Variants in CADM2 observed in about 807,000 individuals in gnomAD.
The protein encoded by CADM2 is cell adhesion molecule 2.
Under a neutral mutation model 49.8 loss-of-function variants are expected in CADM2, and 12 were observed. The observed-to-expected ratio is 0.24, with a 90% CI of 0.15 to 0.39. The LOEUF (loss-of-function observed/expected upper bound fraction) is 0.39. CADM2 is among the 10% of genes least tolerant of loss of function. CADM2 has a pLI of 1.00. For synonymous variants in CADM2, 214 were observed against 175.4 expected (o/e 1.22, Z -1.74); for missense variants, 378 against 492.3 (o/e 0.77, Z 2.20).
chr3:85,213,231 C>T (rs1241229791), intron 1 of CADM2, among the ~76,000 whole-genome samples: 1 of 152,008 alleles, frequency 6.6e-6, no homozygotes, highest in Non-Finnish European at 1.5e-5. Context: ...TTCCTTTTAG[C>T]ATTTCTTGTA....
At chr3:85,391,858 A>G (rs938355691) in intron 1 of CADM2, among the ~76,000 whole-genome samples, 57 of 152,254 alleles carry the variant, frequency 3.7e-4, no homozygotes, top group African/African-American at 1.3e-3. Context: ...TATTCAAAAG[A>G]CTGAAGAGGT....
chr3:85,640,816 G>C (rs867251771), intron 1 of CADM2, among the ~76,000 whole-genome samples: 1 of 151,740 alleles, frequency 6.6e-6, no homozygotes, highest in Non-Finnish European at 1.5e-5. Context: ...CAGAATTTCA[G>C]TTAGAAAGTG....
intron 8 of CADM2, among the ~76,000 whole-genome samples, chr3:86,007,964 G>A (rs1730995171): frequency 6.6e-6 from 1 of 152,120 alleles, no homozygotes; most frequent in Admixed American, 6.6e-5. Flanking sequence ...ACAGCTAAGA[G>A]GAAAATTTTT....
chr3:85,653,401 T>C (rs1313490443), intron 1 of CADM2, among the ~76,000 whole-genome samples: 3 of 149,844 alleles, frequency 2.0e-5, no homozygotes, highest in Non-Finnish European at 4.4e-5. Flanking sequence ...GGTATATTTC[T>C]AAAGTAACAT....
At chr3:85,586,740 T>TATATGGC (rs1355906251) in intron 1 of CADM2, among the ~76,000 whole-genome samples, 14 of 152,104 alleles carry the variant, frequency 9.2e-5, no homozygotes, top group African/African-American at 3.4e-4. Context: ...ACCACACAAC[T>TATATGGC]TCAATAAGTA....
chr3:85,877,449 A>G (rs576144334), intron 3 of CADM2, among the ~76,000 whole-genome samples: 77 of 152,144 alleles, frequency 5.1e-4, no homozygotes, highest in African/African-American at 1.8e-3. Context: ...GGTTCACTGT[A>G]TATTTGGGAC....
chr3:85,542,175 C>A (rs914630661), intron 1 of CADM2, among the ~76,000 whole-genome samples: 2 of 151,974 alleles, frequency 1.3e-5, no homozygotes, highest in African/African-American at 2.4e-5. Context: ...AAAAAGTGAA[C>A]CTTGATCTAG....
chr3:85,232,212 A>G (rs2042310646), intron 1 of CADM2, among the ~76,000 whole-genome samples: 1 of 151,456 alleles, frequency 6.6e-6, no homozygotes, highest in African/African-American at 2.4e-5. Context: ...TTATTGGTCA[A>G]TGTATTGCAA....
intron 1 of CADM2, among the ~76,000 whole-genome samples, chr3:85,157,194 A>G (rs1454093679): frequency 1.3e-5 from 2 of 152,178 alleles, no homozygotes; most frequent in African/African-American, 4.8e-5. Flanking sequence ...AAAAGAGGAT[A>G]CAAACAAATG....
chr3:85,352,201 C>G (rs1184233537), intron 1 of CADM2, among the ~76,000 whole-genome samples: 2 of 152,038 alleles, frequency 1.3e-5, no homozygotes, highest in Non-Finnish European at 2.9e-5. Flanking sequence ...ATATCTCTTT[C>G]TGATAGATCC....
chr3:85,726,585 T>G (rs756498479), intron 2 of CADM2, 37 bp downstream of exon 2: 1 of 1,536,710 alleles, frequency 6.5e-7, no homozygotes, highest in Non-Finnish European at 9.0e-7. Context: ...TCATCATCAT[T>G]CATTTTTCTG....
At chr3:85,518,597 G>A (rs1186856399) in intron 1 of CADM2, among the ~76,000 whole-genome samples, 4 of 152,096 alleles carry the variant, frequency 2.6e-5, no homozygotes, top group Non-Finnish European at 5.9e-5. Context: ...ATTAGTGTTC[G>A]TGGGGCCACG....
At chr3:85,168,942 GATTTATTT>G (rs199591280) in intron 1 of CADM2, among the ~76,000 whole-genome samples, 7 of 151,262 alleles carry the variant, frequency 4.6e-5, no homozygotes, top group Middle Eastern at 3.2e-3. Context: ...ATTTAGTAAA[GATTTATTT>G]ATTTATTTAT....
At chr3:85,030,934 AGGG>A (rs969974657) in intron 1 of CADM2, among the ~76,000 whole-genome samples, 1 of 138,978 alleles carries the variant, frequency 7.2e-6, no homozygotes, top group Non-Finnish European at 1.7e-5. Context: ...AATTTTATAA[AGGG>A]GGTATTTACA....
At chr3:85,530,321 C>CTTTTTT (rs2061270952) in intron 1 of CADM2, among the ~76,000 whole-genome samples, 6 of 119,054 alleles carry the variant, frequency 5.0e-5, no homozygotes, top group African/African-American at 7.8e-5. Context: ...TTCTTTTCTC[C>CTTTTTT]GTTTTTTTTT....
chr3:85,341,622 G>T lies in CADM2; in HGVS notation c.61+381954G>T, dbSNP rs1054851823. Among the ~76,000 whole-genome samples, 27 of 152,046 alleles carry T rather than the reference G, an allele frequency of 1.8e-4. 1 individual carries two copies. Among genetic ancestry groups the T allele is most frequent in the Admixed American group, 1.8e-3 (27 of 15,228 alleles). On this transcript the variant is annotated intron_variant, in intron 1 of 9. Transcript: ENST00000383699. Reference sequence around the variant, plus strand: ...GTTTAGCTTAAAAATGAACTAGAGTGCAGCAAGCCACCATGGCACAGGTAT... The same window carrying T: ...GTTTAGCTTAAAAATGAACTAGAGTTCAGCAAGCCACCATGGCACAGGTAT...
intron 5 of CADM2, among the ~76,000 whole-genome samples, chr3:85,892,667 A>C (rs1714623860): frequency 6.6e-6 from 1 of 152,194 alleles, no homozygotes; most frequent in Admixed American, 6.5e-5. Flanking sequence ...TTGTGAGTCC[A>C]TTAACCCTCT....
At chr3:85,504,935 TGCCCGGGGCCGGCAGG>T (rs908738352) in intron 1 of CADM2, among the ~76,000 whole-genome samples, 10 of 152,232 alleles carry the variant, frequency 6.6e-5, no homozygotes, top group African/African-American at 2.4e-4. Context: ...AGCCCCTCAT[TGCCCGGGGCCGGCAGG>T]GCCGGCCGGC....
chr3:85,030,918 G>T (rs779783643), intron 1 of CADM2, among the ~76,000 whole-genome samples: 18 of 150,158 alleles, frequency 1.2e-4, no homozygotes, highest in Non-Finnish European at 2.1e-4. Flanking sequence ...AGTTTAACTT[G>T]AGTGGAATTT....
Sources: allele counts gnomAD v4.1 joint callset (sites outside exome capture counted in the v4.1 genomes callset), GRCh38; gene constraint gnomAD v4.1.1; transcripts MANE v1.5; gene names NCBI Gene and HGNC (gene_info 2026-07-23, HGNC 2026-07-21).